TBC1D5: variants seen among roughly 807,000 people sequenced by gnomAD.
TBC1D5 encodes TBC1 domain family, member 5.
TBC1D5 carries 75 observed loss-of-function variants against 100.3 expected under a neutral mutation model. That is an observed-to-expected ratio of 0.75 (90% CI 0.62 to 0.91). The LOEUF is 0.91. Among genes scored for constraint, TBC1D5 ranks in the 40% least tolerant of loss-of-function variants. The pLI is 0.00. For synonymous variants in TBC1D5, 323 were observed against 325.6 expected, an observed-to-expected ratio of 0.99 and a Z score of 0.09; for missense variants, 910 against 942.4, an observed-to-expected ratio of 0.97 and a Z score of 0.45.
chr3:17,305,913 T>G (rs547025362), intron 14 of TBC1D5, among the ~76,000 whole-genome samples: 1 of 152,296 alleles, frequency 6.6e-6, no homozygotes, highest in African/African-American at 2.4e-5. Context: ...GCTAAAGTGA[T>G]CTACAAGTGA....
chr3:17,451,686 T>G (rs2094930390), intron 3 of TBC1D5, among the ~76,000 whole-genome samples: 1 of 152,154 alleles, frequency 6.6e-6, no homozygotes, highest in Admixed American at 6.5e-5. Flanking sequence ...GACGGGTTAA[T>G]GGGTGCAGCA....
chr3:17,439,491 C>G (rs2094600056), intron 3 of TBC1D5, among the ~76,000 whole-genome samples: 1 of 151,994 alleles, frequency 6.6e-6, no homozygotes, highest in African/African-American at 2.4e-5. Flanking sequence ...TTTACTAACA[C>G]AAATCACAAT....
chr3:17,355,024 GA>G (rs2091076554), intron 13 of TBC1D5, among the ~76,000 whole-genome samples: 1 of 152,082 alleles, frequency 6.6e-6, no homozygotes, highest in African/African-American at 2.4e-5. Flanking sequence ...GGCAATAGCT[GA>G]AAATCCAAAT....
At chr3:17,498,072 A>G (rs577175056) in intron 3 of TBC1D5, among the ~76,000 whole-genome samples, 2 of 152,162 alleles carry the variant, frequency 1.3e-5, no homozygotes, top group Non-Finnish European at 2.9e-5. Flanking sequence ...AATAACTTTC[A>G]TAATATTAAT....
intron 2 of TBC1D5, among the ~76,000 whole-genome samples, chr3:17,574,465 AC>A (rs1344684541): frequency 6.6e-6 from 1 of 152,066 alleles, no homozygotes; most frequent in Non-Finnish European, 1.5e-5. Flanking sequence ...ACTGCTATCA[AC>A]CATGATGCCC....
intron 1 of TBC1D5, among the ~76,000 whole-genome samples, chr3:17,708,599 T>G (rs141639819): frequency 6.6e-5 from 10 of 152,286 alleles, no homozygotes; most frequent in Middle Eastern, 3.4e-3. Flanking sequence ...CCAACATTAC[T>G]CCTGAGGTGT....
At chr3:17,411,902 T>G (rs2093936598) in intron 4 of TBC1D5, among the ~76,000 whole-genome samples, 1 of 152,116 alleles carries the variant, frequency 6.6e-6, no homozygotes, top group Non-Finnish European at 1.5e-5. Context: ...GCATAACATC[T>G]CAAACTGATG....
At chr3:17,634,114 C>A (rs1359274365) in intron 1 of TBC1D5, among the ~76,000 whole-genome samples, 1 of 152,076 alleles carries the variant, frequency 6.6e-6, no homozygotes, top group Middle Eastern at 3.2e-3. Flanking sequence ...CCTTTCTACA[C>A]TGTTAGTGGG....
At chr3:17,523,558 T>C (rs1428254153) in intron 2 of TBC1D5, among the ~76,000 whole-genome samples, 1 of 152,022 alleles carries the variant, frequency 6.6e-6, no homozygotes, top group African/African-American at 2.4e-5. Flanking sequence ...AGAGGTCAAC[T>C]CAAAAAAGAT....
At chr3:17,625,206 T>G (rs1423478791) in intron 1 of TBC1D5, among the ~76,000 whole-genome samples, 1 of 152,038 alleles carries the variant, frequency 6.6e-6, no homozygotes, top group Non-Finnish European at 1.5e-5. Context: ...AGTGTCTTAT[T>G]GTTTTTTTAA....
At chr3:17,408,267 CAA>C (rs1491468943) in intron 4 of TBC1D5, among the ~76,000 whole-genome samples, 1 of 109,578 alleles carries the variant, frequency 9.1e-6, no homozygotes, top group Non-Finnish European at 1.8e-5. Flanking sequence ...GAAGACTATC[CAA>C]CACACACACA....
chr3:17,235,913 T>G (rs1022690558), intron 17 of TBC1D5, among the ~76,000 whole-genome samples: 2 of 152,144 alleles, frequency 1.3e-5, no homozygotes, highest in Non-Finnish European at 2.9e-5. Flanking sequence ...TTGTTTTTTT[T>G]TTTTGGTAGA....
intron 1 of TBC1D5, among the ~76,000 whole-genome samples, chr3:17,649,064 C>T (rs1276075275): frequency 1.3e-5 from 2 of 152,192 alleles, no homozygotes; most frequent in Non-Finnish European, 2.9e-5. Flanking sequence ...ATAGGAAACA[C>T]ATGGAATCAA....
At chr3:17,610,538 T>C (rs1346182591) in intron 2 of TBC1D5, among the ~76,000 whole-genome samples, 1 of 152,180 alleles carries the variant, frequency 6.6e-6, no homozygotes, top group Non-Finnish European at 1.5e-5. Context: ...TCTGATCTCT[T>C]ACTAATAAGC....
chr3:17,712,635 C>T (rs999979174), intron 1 of TBC1D5, among the ~76,000 whole-genome samples: 1 of 152,286 alleles, frequency 6.6e-6, no homozygotes. Context: ...ATACGAGAGT[C>T]CCACTTACAT....
chr3:17,366,300 A>G (rs2092123840), intron 13 of TBC1D5, among the ~76,000 whole-genome samples: 1 of 151,972 alleles, frequency 6.6e-6, no homozygotes, highest in Admixed American at 6.6e-5. Context: ...TCAAACAAAC[A>G]AACAAAAAAA....
intron 2 of TBC1D5, among the ~76,000 whole-genome samples, chr3:17,571,318 A>AT (rs750512392): frequency 2.0e-5 from 3 of 151,982 alleles, no homozygotes; most frequent in Non-Finnish European, 4.4e-5. Context: ...TATAATTGTC[A>AT]TTTTGTGCTG....
At chr3:17,547,535 G>A (rs776577542) in intron 2 of TBC1D5, among the ~76,000 whole-genome samples, 2 of 152,178 alleles carry the variant, frequency 1.3e-5, no homozygotes, top group South Asian at 2.1e-4. Context: ...TAATTTAGCA[G>A]AATGTTCCCA....
Position 17,450,295 on chromosome 3 carries a change from C to G in TBC1D5, c.98-21776G>C, listed in dbSNP as rs546753869. Among the ~76,000 whole-genome samples, 3 of 152,256 alleles carry G rather than the reference C, an allele frequency of 2.0e-5. 1 individual carries two copies. In the South Asian group the frequency reaches 6.2e-4, roughly 32 times the overall value. On this transcript the variant is annotated intron_variant, in intron 3 of 21. Coordinates refer to ENST00000253692, the Ensembl canonical transcript of TBC1D5. ...ATAAGGAAAAAACAGCGCAAAAATG[C>G]TGAAAATTCCAAAGACCAGAATACC...
Sources: gnomAD v4.1 joint callset for allele counts (sites outside exome capture counted in the v4.1 genomes callset) on GRCh38, gnomAD v4.1.1 for gene constraint, MANE v1.5 for transcripts, NCBI Gene and HGNC (gene_info 2026-07-23, HGNC 2026-07-21) for gene names.